Variants in DOCK1 observed in about 807,000 individuals in gnomAD.
DOCK1 encodes the protein dedicator of cytokinesis 1.
In DOCK1, 138 loss-of-function variants were observed where a neutral mutation model predicts 262.7. That is an observed-to-expected ratio of 0.53 (90% CI 0.46 to 0.61). The LOEUF (loss-of-function observed/expected upper bound fraction) is 0.61. Ranked by LOEUF, DOCK1 falls within the 20% of genes least tolerant of loss-of-function variation. DOCK1 has a pLI of 0.00. For missense variants in DOCK1, 1,908 were observed against 2,370.7 expected (o/e 0.80, Z 4.05); for synonymous variants, 866 against 867.4 (o/e 1.00, Z 0.03).
intron 1 of DOCK1, among the ~76,000 whole-genome samples, chr10:126,953,389 T>C (rs2134434649): frequency 6.6e-6 from 1 of 151,592 alleles, no homozygotes; most frequent in African/African-American, 2.4e-5. Context: ...ATAGTGTTGG[T>C]AGTGGTGGTA....
rs187294158 is a variant in DOCK1 at position 127,106,863 on chromosome 10, G to T, written c.2516+562G>T. ...CTTCCTTTTCTCTCCCTAACTTGCC[G>T]CCTCTCAGTGGCCAGGTGTGCTGTT... On this transcript the variant is annotated intron_variant, in intron 24 of 51. Coordinates refer to ENST00000623213, the MANE Select transcript of DOCK1 (RefSeq NM_001290223.2). Among the ~76,000 whole-genome samples the T allele has an allele frequency of 3.9e-5, 6 of 152,114 alleles. No individual in the cohort carries two copies. The South Asian group carries it at 6.2e-4, about 16-fold the overall frequency.
chr10:127,222,627 T>TG (rs2058479777), intron 27 of DOCK1, among the ~76,000 whole-genome samples: 3 of 129,068 alleles, frequency 2.3e-5, no homozygotes, highest in East Asian at 2.3e-4. Context: ...TGTGTTTTTG[T>TG]TTTGTGTTGT....
At chr10:127,201,535 G>C (rs1406007659) in intron 27 of DOCK1, among the ~76,000 whole-genome samples, 1 of 152,202 alleles carries the variant, frequency 6.6e-6, no homozygotes, top group African/African-American at 2.4e-5. Flanking sequence ...ATGCATCATT[G>C]TGAATCTGAT....
At chr10:127,366,548 C>T (rs1229438275) in intron 33 of DOCK1, among the ~76,000 whole-genome samples, 1 of 152,180 alleles carries the variant, frequency 6.6e-6, no homozygotes, top group Non-Finnish European at 1.5e-5. Context: ...CAGGATTATT[C>T]CTGGGCCACA....
intron 1 of DOCK1, among the ~76,000 whole-genome samples, chr10:126,940,621 C>T (rs1173287303): frequency 2.0e-5 from 3 of 152,122 alleles, no homozygotes. Flanking sequence ...CCAGGCTAGT[C>T]TCGAACTCCT....
chr10:126,918,925 AGGAGGAGAAAGTCAAGGTG>A (rs1309298662), intron 1 of DOCK1, among the ~76,000 whole-genome samples: 4 of 150,178 alleles, frequency 2.7e-5, no homozygotes, highest in Non-Finnish European at 5.9e-5. Flanking sequence ...GAGGATTTGG[AGGAGGAGAAAGTCAAGGTG>A]CAGATGGGCA....
chr10:127,415,656 G>A (rs1036050757), intron 44 of DOCK1, among the ~76,000 whole-genome samples: 4 of 152,088 alleles, frequency 2.6e-5, no homozygotes, highest in Non-Finnish European at 5.9e-5. Flanking sequence ...TTAATTAATA[G>A]TCCTTGCCCA....
chr10:126,965,126 C>T (rs2037565264), intron 1 of DOCK1, among the ~76,000 whole-genome samples: 1 of 152,234 alleles, frequency 6.6e-6, no homozygotes, highest in African/African-American at 2.4e-5. Flanking sequence ...TGTGGGGTGG[C>T]ACAGAGTGTA....
At chr10:127,371,686 T>C (rs1316531252) in intron 33 of DOCK1, among the ~76,000 whole-genome samples, 1 of 152,184 alleles carries the variant, frequency 6.6e-6, no homozygotes, top group African/African-American at 2.4e-5. Context: ...TAATTTTGTG[T>C]CTCTATTATT....
intron 16 of DOCK1, among the ~76,000 whole-genome samples, chr10:127,030,131 C>T (rs540711639): frequency 2.0e-5 from 3 of 152,194 alleles, no homozygotes; most frequent in South Asian, 2.1e-4. Flanking sequence ...TAGTGGGATC[C>T]GACGGTAAAT....
At chr10:127,315,231 A>G (rs551146382) in intron 29 of DOCK1, among the ~76,000 whole-genome samples, 11 of 152,196 alleles carry the variant, frequency 7.2e-5, no homozygotes, top group Non-Finnish European at 1.5e-4. Flanking sequence ...ACACAGAGCT[A>G]TATCCACGGG....
intron 29 of DOCK1, among the ~76,000 whole-genome samples, chr10:127,302,120 C>T (rs555656614): frequency 8.1e-5 from 12 of 147,760 alleles, no homozygotes; most frequent in Non-Finnish European, 1.6e-4. Flanking sequence ...TGCTGTGGCC[C>T]GGAGCTTTTC....
chr10:127,106,309 T>C lies in DOCK1; in HGVS notation c.2516+8T>C, dbSNP rs2048526833. On this transcript the variant is annotated splice_region_variant and intron_variant, in intron 24 of 51. Transcript: ENST00000623213. ...TGATCCCAAAGAGCTCAGGTAAGTA[T>C]GCAGCCCAGGCGAATGCTTGTCACG... 2 of 1,592,654 alleles carry C rather than the reference T, an allele frequency of 1.3e-6. No individual in the cohort carries two copies. The highest frequency in any genetic ancestry group is 8.6e-7 in the Non-Finnish European group (1 of 1,168,216).
At chr10:126,981,041 G>T (rs564357660) in intron 3 of DOCK1, among the ~76,000 whole-genome samples, 1 of 147,920 alleles carries the variant, frequency 6.8e-6, no homozygotes, top group Admixed American at 6.8e-5. Context: ...TCCACTTCCC[G>T]GGTTCAAGCG....
rs1207532184 is a variant in DOCK1 at position 127,417,566 on chromosome 10, A to G, written c.4516-799A>G. ...CCTTTTCCTCCCGACCCCAGGGGCC[A>G]TGAGCTCTCTTTGTTGTTGTTTGTT... On this transcript the variant is annotated intron_variant, in intron 44 of 51. Coordinates refer to ENST00000623213, the MANE Select transcript of DOCK1 (RefSeq NM_001290223.2). Among the ~76,000 whole-genome samples the G allele has an allele frequency of 2.6e-5, 4 of 152,196 alleles. No individual in the cohort carries two copies. In the South Asian group the frequency reaches 8.3e-4, roughly 32 times the overall value.
At chr10:127,401,026 G>GT (rs1365829273) in intron 38 of DOCK1, among the ~76,000 whole-genome samples, 1 of 152,022 alleles carries the variant, frequency 6.6e-6, no homozygotes, top group Non-Finnish European at 1.5e-5. Flanking sequence ...ATCTTTTCAG[G>GT]TTTTTTGCAT....
intron 23 of DOCK1, among the ~76,000 whole-genome samples, chr10:127,097,184 C>T (rs2047961063): frequency 6.6e-6 from 1 of 152,112 alleles, no homozygotes; most frequent in Non-Finnish European, 1.5e-5. Flanking sequence ...CCTCTTCTGC[C>T]CTTTCCTGTT....
intron 23 of DOCK1, among the ~76,000 whole-genome samples, chr10:127,089,590 G>T (rs2047398362): frequency 6.6e-6 from 1 of 152,358 alleles, no homozygotes; most frequent in Non-Finnish European, 1.5e-5. Context: ...CCCCAGGAGA[G>T]GGGGCTGCCC....
At chr10:127,244,294 A>G (rs904076827) in intron 27 of DOCK1, among the ~76,000 whole-genome samples, 1 of 152,170 alleles carries the variant, frequency 6.6e-6, no homozygotes, top group Non-Finnish European at 1.5e-5. Context: ...CCTACAAAAT[A>G]TCATATTATT....
Sources: gnomAD v4.1 joint callset for allele counts (sites outside exome capture counted in the v4.1 genomes callset) on GRCh38, gnomAD v4.1.1 for gene constraint, MANE v1.5 for transcripts, NCBI Gene and HGNC (gene_info 2026-07-23, HGNC 2026-07-21) for gene names.